IL1RAPL1: variants seen among roughly 807,000 people sequenced by gnomAD.
The protein encoded by IL1RAPL1 is interleukin 1 receptor accessory protein like 1.
IL1RAPL1 carries 3 observed loss-of-function variants against 48.4 expected under a neutral mutation model. The observed-to-expected ratio is 0.06, with a 90% CI of 0.03 to 0.16. IL1RAPL1 has a LOEUF of 0.16. Ranked by LOEUF, IL1RAPL1 falls within the 10% of genes least tolerant of loss-of-function variation. IL1RAPL1 has a pLI of 1.00. For synonymous variants in IL1RAPL1, 185 were observed against 187.7 expected (o/e 0.99, Z 0.12); for missense variants, 349 against 530.6 (o/e 0.66, Z 3.36).
At chrX:28,832,499 A>G (rs1369611660) in intron 2 of IL1RAPL1, among the ~76,000 whole-genome samples, 1 of 111,271 alleles carries the variant, frequency 9.0e-6, no homozygotes, top group Non-Finnish European at 1.9e-5. Context: ...TTCCAAAATT[A>G]AACATTTGTT....
At chrX:29,754,541 G>A (rs1319572333) in intron 6 of IL1RAPL1, among the ~76,000 whole-genome samples, 4 of 111,653 alleles carry the variant, frequency 3.6e-5, no homozygotes, top group African/African-American at 1.3e-4. Flanking sequence ...ACACAGAAAC[G>A]ATTAGCCGCA....
intron 6 of IL1RAPL1, among the ~76,000 whole-genome samples, chrX:29,800,433 CA>C: frequency 9.1e-6 from 1 of 110,048 alleles, no homozygotes; most frequent in East Asian, 2.9e-4. Context: ...CTTCCTTCAA[CA>C]AAAGTTACCC....
At chrX:29,534,974 A>C (rs1921173260) in intron 5 of IL1RAPL1, among the ~76,000 whole-genome samples, 2 of 107,326 alleles carry the variant, frequency 1.9e-5, no homozygotes, top group Non-Finnish European at 3.9e-5. Flanking sequence ...TCTCAAAAAA[A>C]AAAAGAGAAA....
At chrX:29,698,367 C>T (rs920818806) in intron 6 of IL1RAPL1, among the ~76,000 whole-genome samples, 2 of 110,647 alleles carry the variant, frequency 1.8e-5, no homozygotes, top group African/African-American at 3.3e-5. Context: ...GCTTAAATAT[C>T]AAATCCTCAA....
At chrX:28,908,905 A>G (rs1186009376) in intron 2 of IL1RAPL1, among the ~76,000 whole-genome samples, 1 of 111,787 alleles carries the variant, frequency 8.9e-6, no homozygotes, top group Admixed American at 9.5e-5. Context: ...TGTTATGTCT[A>G]CTTGAAGAAT....
intron 1 of IL1RAPL1, among the ~76,000 whole-genome samples, chrX:28,646,220 C>G: frequency 9.0e-6 from 1 of 111,709 alleles, no homozygotes; most frequent in Non-Finnish European, 1.9e-5. Flanking sequence ...CAACATAGAT[C>G]CCTTGCATGC....
chrX:29,601,385 A>G (rs779213667), intron 5 of IL1RAPL1, among the ~76,000 whole-genome samples: 23 of 112,198 alleles, frequency 2.0e-4, no homozygotes, highest in Non-Finnish European at 1.1e-4. Flanking sequence ...AAGATAAAAT[A>G]CTGAAATATT....
intron 6 of IL1RAPL1, among the ~76,000 whole-genome samples, chrX:29,862,159 C>CA (rs767446668): frequency 0.012 from 868 of 74,851 alleles, 4 homozygotes; most frequent in African/African-American, 0.021. Flanking sequence ...GACCCTGTCT[C>CA]AAAAAAAAAA....
intron 2 of IL1RAPL1, among the ~76,000 whole-genome samples, chrX:29,187,757 C>G (rs910273971): frequency 9.0e-6 from 1 of 111,636 alleles, no homozygotes. Flanking sequence ...ACCAATCTAT[C>G]CCGTTTTCAC....
At chrX:29,812,969 G>A (rs1255767800) in intron 6 of IL1RAPL1, among the ~76,000 whole-genome samples, 1 of 111,300 alleles carries the variant, frequency 9.0e-6, no homozygotes. Context: ...GGAAAGAGAT[G>A]AGCCATTTCC....
At chrX:29,307,334 T>C (rs1932640628) in intron 3 of IL1RAPL1, among the ~76,000 whole-genome samples, 1 of 112,499 alleles carries the variant, frequency 8.9e-6, no homozygotes, top group African/African-American at 3.2e-5. Context: ...TTTAAAATTA[T>C]TTTTTCCTGA....
chrX:29,355,897 G>A (rs1005657116), intron 3 of IL1RAPL1, among the ~76,000 whole-genome samples: 2 of 110,730 alleles, frequency 1.8e-5, no homozygotes, highest in African/African-American at 6.5e-5. Context: ...AACATTTTTT[G>A]TTAGGTAAAT....
At chrX:29,864,241 C>G (rs1034649326) in intron 6 of IL1RAPL1, among the ~76,000 whole-genome samples, 1 of 112,323 alleles carries the variant, frequency 8.9e-6, no homozygotes, top group Non-Finnish European at 1.9e-5. Flanking sequence ...GTTTTGTGAT[C>G]AAATAAGTTT....
In IL1RAPL1 at chrX:29,831,260, T is replaced by C. The variant is rs1349983311; in HGVS notation, c.779-86204T>C. ...AAGATCCTGGTATCAAAAACAGGTATATAAAGTGTGGCTCTTACCCTCCAG... is the reference window on the plus strand; with the variant it reads ...AAGATCCTGGTATCAAAAACAGGTACATAAAGTGTGGCTCTTACCCTCCAG... On this transcript the variant is annotated intron_variant, in intron 6 of 10. Coordinates refer to ENST00000378993, the MANE Select transcript of IL1RAPL1 (RefSeq NM_014271.4). Among the ~76,000 whole-genome samples, 6 of 111,404 alleles carry C rather than the reference T, an allele frequency of 5.4e-5. No homozygotes were observed. The Admixed American group carries it at 5.7e-4, about 11-fold the overall frequency.
chrX:29,445,654 T>A (rs1172661091), intron 5 of IL1RAPL1, among the ~76,000 whole-genome samples: 1 of 112,356 alleles, frequency 8.9e-6, no homozygotes, highest in Non-Finnish European at 1.9e-5. Flanking sequence ...GGAAGTAAAC[T>A]GTAATTGACC....
chrX:28,834,064 T>C (rs971520483), intron 2 of IL1RAPL1, among the ~76,000 whole-genome samples: 1 of 111,462 alleles, frequency 9.0e-6, no homozygotes, highest in Non-Finnish European at 1.9e-5. Flanking sequence ...TTCGTTAAGT[T>C]TTAATAAATG....
intron 1 of IL1RAPL1, among the ~76,000 whole-genome samples, chrX:28,768,609 A>T (rs1936267621): frequency 9.4e-6 from 1 of 105,944 alleles, no homozygotes; most frequent in Non-Finnish European, 1.9e-5. Flanking sequence ...CAAATCATTA[A>T]TTCATTGAAA....
intron 6 of IL1RAPL1, among the ~76,000 whole-genome samples, chrX:29,806,608 G>A (rs1326981579): frequency 9.1e-6 from 1 of 110,199 alleles, no homozygotes; most frequent in Non-Finnish European, 1.9e-5. Flanking sequence ...CTTCAGGTGA[G>A]CAGACAAGCC....
chrX:29,326,058 A>G (rs893121969), intron 3 of IL1RAPL1, among the ~76,000 whole-genome samples: 2 of 112,344 alleles, frequency 1.8e-5, no homozygotes, highest in South Asian at 7.3e-4. Flanking sequence ...ATATTTCACC[A>G]TAAGATTTGG....
Sources: gnomAD v4.1 joint callset for allele counts (sites outside exome capture counted in the v4.1 genomes callset) on GRCh38, gnomAD v4.1.1 for gene constraint, MANE v1.5 for transcripts, NCBI Gene and HGNC (gene_info 2026-07-23, HGNC 2026-07-21) for gene names.